OR10H5: variants seen among roughly 807,000 people sequenced by gnomAD.
OR10H5 encodes the protein olfactory receptor 10H5.
In OR10H5, 7 loss-of-function variants were observed where a neutral mutation model predicts 12.2. The observed-to-expected ratio is 0.57, with a 90% CI of 0.33 to 1.07. The LOEUF (loss-of-function observed/expected upper bound fraction) is 1.07. Among genes scored for constraint, OR10H5 ranks in the 50% least tolerant of loss-of-function variants. The pLI is 0.04. For missense variants in OR10H5, 346 were observed against 411.6 expected (o/e 0.84, Z 1.38); for synonymous variants, 159 against 175.1 (o/e 0.91, Z 0.73).
rs754763460 is a variant in OR10H5, at chr19:15,799,009, G to A, written c.*4013G>A. The A allele has an allele frequency of 6.6e-6, 1 of 152,028 alleles. No individual in the cohort carries two copies. The highest frequency in any genetic ancestry group is 1.5e-5 in the Non-Finnish European group (1 of 68,014). The allele number at this position is 152,028 out of a possible 1,614,324, so 9.4% of individuals were successfully genotyped here. On this transcript the variant is annotated 3_prime_UTR_variant, in exon 2 of 2. Coordinates refer to ENST00000642092, the MANE Select transcript of OR10H5 (RefSeq NM_001004466.2). Reference sequence around the variant, plus strand: ...TGATTTCAGGTGATACTACCACCTCGGCCTCCCAAGGTGCCGGGATTACAG... The same window carrying A: ...TGATTTCAGGTGATACTACCACCTCAGCCTCCCAAGGTGCCGGGATTACAG...
chr19:15,792,491 G>C (rs555099190), intron 1 of OR10H5, among the ~76,000 whole-genome samples: 7 of 152,038 alleles, frequency 4.6e-5, no homozygotes, highest in Middle Eastern at 3.4e-3. Flanking sequence ...TTTGAGACAG[G>C]GTCTCACTGT....
chr19:15,790,507 C>T (rs1010894875), intron 1 of OR10H5, among the ~76,000 whole-genome samples: 5 of 152,142 alleles, frequency 3.3e-5, no homozygotes, highest in African/African-American at 9.7e-5. Flanking sequence ...CTGGATATGT[C>T]TTAGAGAATT....
At chr19:15,792,021 G>T (rs902854585) in intron 1 of OR10H5, among the ~76,000 whole-genome samples, 4 of 29,160 alleles carry the variant, frequency 1.4e-4, no homozygotes, top group African/African-American at 5.0e-4. Flanking sequence ...AGTGACACTT[G>T]GTCTCAAAAA....
In OR10H5 at chr19:15,795,016, A is replaced by G. The variant is rs771238724; in HGVS notation, c.*20A>G. 8 of 1,607,962 alleles carry G rather than the reference A, an allele frequency of 5.0e-6. No homozygotes were observed. In the Admixed American group the frequency reaches 5.1e-5, roughly 10 times the overall value. On this transcript the variant is annotated 3_prime_UTR_variant, in exon 2 of 2. Transcript: ENST00000642092. Reference sequence around the variant, plus strand: ...TGCTGAAATGGCTGACTTTCTCTCAAGAGATGTAGCGAATGGGAACACTTT... The same window carrying G: ...TGCTGAAATGGCTGACTTTCTCTCAGGAGATGTAGCGAATGGGAACACTTT...
Position 15,798,710 on chromosome 19 carries a change from CAA to C in OR10H5, c.*3717_*3718del, listed in dbSNP as rs1434005721. Reference sequence around the variant, plus strand: ...GAGGTTGTCCCTCTTGTTTCACCCCCAAAATCCTCCAGTTTCTGTCTGCCAAG... The same window carrying C: ...GAGGTTGTCCCTCTTGTTTCACCCCCAATCCTCCAGTTTCTGTCTGCCAAG... On this transcript the variant is annotated 3_prime_UTR_variant, in exon 2 of 2. Transcript: ENST00000642092. The C allele has an allele frequency of 1.3e-5, 2 of 151,134 alleles. No individual in the cohort carries two copies. The highest frequency in any genetic ancestry group is 2.9e-5 in the Non-Finnish European group (2 of 67,864). The allele number at this position is 151,134 out of a possible 1,614,324, so 9.4% of individuals were successfully genotyped here. A position where few individuals can be genotyped will look rare whatever the true frequency, so the allele number is the denominator to read the frequency against.
intron 1 of OR10H5, among the ~76,000 whole-genome samples, chr19:15,791,949 T>G (rs903009986): frequency 8.6e-5 from 13 of 151,864 alleles, no homozygotes; most frequent in African/African-American, 2.7e-4. Flanking sequence ...CGTCTCAGCC[T>G]CCCAAAGTGC....
chr19:15,795,152 C>T lies in OR10H5; in HGVS notation c.*156C>T. On this transcript the variant is annotated 3_prime_UTR_variant, in exon 2 of 2. Transcript: ENST00000642092. The stretch of plus-strand genomic sequence containing the variant: ...CTCCTTTCCTCCCTCCTTCTCTGAC[C>T]TACAGTCCACCCTCCCTCCCCCCTC... 1.5e-6 allele frequency: 1 copy of T among 647,852 alleles called. No individual in the cohort carries two copies. The highest frequency in any genetic ancestry group is 2.0e-5 in the South Asian group (1 of 49,624). 40.1% of individuals were successfully genotyped at this position (647,852 alleles called of 1,614,324 possible).
chr19:15,788,075 G>A (rs1053309734), intron 1 of OR10H5, among the ~76,000 whole-genome samples: 14 of 152,106 alleles, frequency 9.2e-5, no homozygotes, highest in Admixed American at 6.5e-4. Context: ...GGGTGACATT[G>A]AGTGTGTCAC....
chr19:15,789,767 C>CT (rs1046461378), intron 1 of OR10H5, among the ~76,000 whole-genome samples: 13 of 137,674 alleles, frequency 9.4e-5, no homozygotes, highest in Admixed American at 5.0e-4. Flanking sequence ...TTTCTCTTTT[C>CT]TTTTTTTTCT....
chr19:15,788,735 G>A lies in OR10H5; in HGVS notation c.-12+1019G>A, dbSNP rs145959130. On this transcript the variant is annotated intron_variant, in intron 1 of 1. Transcript: ENST00000642092. ...AACTCCTGGATTCAAGCAATCCCCC[G>A]CCCCACCCACCTTGGTCTCCCACAG... Among the ~76,000 whole-genome samples the A allele has an allele frequency of 2.4e-3, 360 of 152,076 alleles. 1 individual carries two copies. Among genetic ancestry groups the A allele is most frequent in the Middle Eastern group, 0.017 (5 of 294 alleles).
At chr19:15,792,042 C>G (rs998959111) in intron 1 of OR10H5, among the ~76,000 whole-genome samples, 1 of 150,934 alleles carries the variant, frequency 6.6e-6, no homozygotes, top group Non-Finnish European at 1.5e-5. Flanking sequence ...AAAAAAAATC[C>G]TCTCTTTTAG....
chr19:15,789,957 C>T (rs748948221), intron 1 of OR10H5, among the ~76,000 whole-genome samples: 9 of 151,796 alleles, frequency 5.9e-5, no homozygotes, highest in Non-Finnish European at 1.3e-4. Context: ...AATTTAAAAA[C>T]AATTTTTTTG....
intron 1 of OR10H5, among the ~76,000 whole-genome samples, chr19:15,793,051 C>T (rs564979817): frequency 3.3e-5 from 5 of 151,880 alleles, no homozygotes; most frequent in African/African-American, 2.4e-5. Context: ...GTTCTTACTA[C>T]GGGCCAAGAC....
chr19:15,791,698 T>A (rs11669900), intron 1 of OR10H5, among the ~76,000 whole-genome samples: 64,167 of 148,886 alleles, frequency 0.43, 14,815 homozygotes, highest in African/African-American at 0.6. Flanking sequence ...TATTATTATT[T>A]TTTTTTTTTT....
rs766246144 is a variant in OR10H5, at chr19:15,794,303, G to T, written c.255G>T (p.Leu85=). Reference sequence around the variant, plus strand: ...TCATCCCGCGCATGCTGGCCGACCTGCTGTCCACCCAGCGCTCCATCGCCT... The same window carrying T: ...TCATCCCGCGCATGCTGGCCGACCTTCTGTCCACCCAGCGCTCCATCGCCT... ...VAIIPRMLAD[L]LSTQRSIAFL... is the part of the protein sequence containing the mutation. The change falls in exon 2 of 2, where the codon CTG becomes CTT. Residue 85 remains leucine, a synonymous_variant. Coordinates refer to ENST00000642092, the MANE Select transcript of OR10H5 (RefSeq NM_001004466.2). The T allele has an allele frequency of 1.5e-5, 24 of 1,613,886 alleles. No individual in the cohort carries two copies. The highest frequency in any genetic ancestry group is 1.9e-5 in the Non-Finnish European group (23 of 1,179,962).
chr19:15,799,801 C>T lies in OR10H5; in HGVS notation c.*4805C>T, dbSNP rs900327570. The T allele has an allele frequency of 6.6e-6, 1 of 151,914 alleles. No homozygotes were observed. Among genetic ancestry groups the T allele is most frequent in the South Asian group, 2.1e-4 (1 of 4,810 alleles). The allele number at this position is 151,914 out of a possible 1,614,324, so 9.4% of individuals were successfully genotyped here. A position where few individuals can be genotyped will look rare whatever the true frequency, so the allele number is the denominator to read the frequency against. ...TCAGCTCACTGCAACCTTCACCTCC[C>T]AGGTTCAAACAATTCTCCTGTGTCA... On this transcript the variant is annotated 3_prime_UTR_variant, in exon 2 of 2. Coordinates refer to ENST00000642092, the MANE Select transcript of OR10H5 (RefSeq NM_001004466.2).
intron 1 of OR10H5, among the ~76,000 whole-genome samples, chr19:15,788,740 A>C (rs550261430): frequency 8.6e-5 from 13 of 151,994 alleles, no homozygotes; most frequent in Non-Finnish European, 1.9e-4. Context: ...CCCCCGCCCC[A>C]CCCACCTTGG....
intron 1 of OR10H5, among the ~76,000 whole-genome samples, chr19:15,793,310 G>A (rs574599317): frequency 2.0e-5 from 3 of 152,118 alleles, no homozygotes; most frequent in Non-Finnish European, 4.4e-5. Context: ...CGTAGACATG[G>A]GGGTCTTGCT....
intron 1 of OR10H5, among the ~76,000 whole-genome samples, chr19:15,792,159 C>T (rs1016665280): frequency 1.3e-5 from 2 of 152,110 alleles, no homozygotes; most frequent in African/African-American, 4.8e-5. Flanking sequence ...TCTTTATGTT[C>T]TAGGGCACAA....
Sources: gnomAD v4.1 joint callset for allele counts (sites outside exome capture counted in the v4.1 genomes callset) on GRCh38, gnomAD v4.1.1 for gene constraint, MANE v1.5 for transcripts, NCBI Gene and HGNC (gene_info 2026-07-23, HGNC 2026-07-21) for gene names.